ABR: variants seen among roughly 807,000 people sequenced by gnomAD.
The protein encoded by ABR is active breakpoint cluster region-related protein.
In ABR, 35 loss-of-function variants were observed where a neutral mutation model predicts 107.2. That is an observed-to-expected ratio of 0.33 (90% confidence interval 0.25 to 0.43). The LOEUF (loss-of-function observed/expected upper bound fraction) is 0.43. ABR is among the 20% of genes least tolerant of loss of function. ABR has a pLI of 1.00. For missense variants in ABR, 815 were observed against 1,115.2 expected, an observed-to-expected ratio of 0.73 and a Z score of 3.83; for synonymous variants, 498 against 462.0, an observed-to-expected ratio of 1.08 and a Z score of -1.00.
chr17:1,146,994 C>T (rs556318601), intron 1 of ABR, among the ~76,000 whole-genome samples: 8 of 152,366 alleles, frequency 5.3e-5, no homozygotes, highest in Admixed American at 1.3e-4. Flanking sequence ...GTGGTCAACA[C>T]GACCAGTGCC....
At chr17:1,125,533 C>T (rs111492510) in intron 1 of ABR, 166 bp from the exon 2 acceptor site, 211 of 529,888 alleles carry the variant, frequency 4.0e-4, no homozygotes, top group Admixed American at 1.0e-3. Flanking sequence ...TGGTGAGGGG[C>T]GGGGGAGAGC....
At chr17:1,055,971 C>T (rs1250871192) in intron 14 of ABR, 64 bp downstream of exon 14, 6 of 1,495,478 alleles carry the variant, frequency 4.0e-6, no homozygotes, top group African/African-American at 1.4e-5. Context: ...AGGGCCCCAT[C>T]CTGGGCAGAG....
chr17:1,081,955 G>A (rs1425891139), intron 5 of ABR, among the ~76,000 whole-genome samples: 1 of 151,978 alleles, frequency 6.6e-6, no homozygotes, highest in Non-Finnish European at 1.5e-5. Context: ...CATTTTCCAA[G>A]CTGCATTTTT....
At position 1,012,773 on chromosome 17, in the gene ABR, A is replaced by G. The variant is rs1462543067; in HGVS notation, c.1876T>C (p.Phe626Leu). 6.3e-7 allele frequency: 1 copy of G among 1,591,304 alleles called. No individual in the cohort carries two copies. The highest frequency in any genetic ancestry group is 8.6e-7 in the Non-Finnish European group (1 of 1,168,240). ...TTCAGGCTCATATCTCGGCTGGTGA[A>G]TTTCATGGAAAATTCCACTTTGATC... is the stretch of plus-strand genomic sequence containing the variant. ...NGIKVEFSMK[F>L]TSRDMSLKRT... is the part of the protein sequence containing the mutation. Residue 626 changes from phenylalanine to leucine, a missense_variant, in exon 18 of 23, where the codon TTC becomes CTC. Phe to Leu is a conservative substitution (Grantham distance 22). Transcript: ENST00000302538.
At chr17:1,036,613 G>A (rs1448941626) in intron 16 of ABR, among the ~76,000 whole-genome samples, 1 of 152,102 alleles carries the variant, frequency 6.6e-6, no homozygotes, top group East Asian at 1.9e-4. Context: ...GAGACAAGCA[G>A]GCCGAGCATG....
At chr17:1,160,117 C>A (rs1478043704) in intron 1 of ABR, among the ~76,000 whole-genome samples, 1 of 152,080 alleles carries the variant, frequency 6.6e-6, no homozygotes, top group Non-Finnish European at 1.5e-5. Context: ...GAGCAGAGCC[C>A]TGGGGTCTAG....
intron 1 of ABR, among the ~76,000 whole-genome samples, chr17:1,129,280 GTAAT>G (rs1567804199): frequency 2.0e-5 from 3 of 152,212 alleles, no homozygotes; most frequent in Admixed American, 1.3e-4. Context: ...GCTCACGCCT[GTAAT>G]CCCAGCACTG....
Position 1,179,921 on chromosome 17 carries a change from C to T in ABR, c.-194G>A. 4.3e-6 allele frequency: 2 copies of T among 462,204 alleles called. No individual in the cohort carries two copies. Among genetic ancestry groups the T allele is most frequent in the Non-Finnish European group, 7.1e-6 (2 of 281,828 alleles). 28.6% of individuals were successfully genotyped at this position (462,204 alleles called of 1,614,324 possible). On this transcript the variant is annotated 5_prime_UTR_variant, in exon 1 of 23. Coordinates refer to ENST00000302538, the MANE Select transcript of ABR (RefSeq NM_021962.5). The surrounding 1 kb of genome is among the most constrained non-coding windows in gnomAD (Gnocchi z 4.9). ...GGGGCGGGAGCCCCCAAAACCCTCCCGAACCCTCCCGGCCCCAGCGGCCGC... is the reference window on the plus strand; with the variant it reads ...GGGGCGGGAGCCCCCAAAACCCTCCTGAACCCTCCCGGCCCCAGCGGCCGC...
intron 3 of ABR, among the ~76,000 whole-genome samples, chr17:1,098,557 GTTTCACAACCCACTGTACTGA>G (rs963724673): frequency 1.3e-5 from 2 of 152,116 alleles, no homozygotes; most frequent in African/African-American, 4.8e-5. Flanking sequence ...CACTGTACTG[GTTTCACAACCCACTGTACTGA>G]TTTCACAACC....
chr17:1,016,683 C>T (rs988465666), intron 16 of ABR, among the ~76,000 whole-genome samples: 1 of 152,036 alleles, frequency 6.6e-6, no homozygotes, highest in Non-Finnish European at 1.5e-5. Flanking sequence ...CGGGCCAAGC[C>T]CCGACAGCCA....
intron 16 of ABR, among the ~76,000 whole-genome samples, chr17:1,016,317 CTTTTTT>C (rs151002591): frequency 1.5e-5 from 2 of 134,912 alleles, no homozygotes; most frequent in African/African-American, 5.4e-5. Context: ...CCCAACGTTT[CTTTTTT>C]TTTTTTTTTT....
chr17:1,193,886 G>A (rs746438438), intron 1 of ABR, among the ~76,000 whole-genome samples: 4 of 151,860 alleles, frequency 2.6e-5, no homozygotes, highest in Non-Finnish European at 4.4e-5. Flanking sequence ...AATAGAGACG[G>A]GGTTTCACCG....
rs559865119 is a variant in ABR, at chr17:1,128,510, G to A, written c.62-3143C>T. 3.3e-5 allele frequency among the ~76,000 whole-genome samples: 5 copies of A among 152,332 alleles called. No individual in the cohort carries two copies. The East Asian group carries it at 5.8e-4, about 18-fold the overall frequency. ...CTGATGGTGTGAGCCATATGATTAC[G>A]TTCTAGACAACAAGATGTTACAGGG... On this transcript the variant is annotated intron_variant, in intron 1 of 22. Coordinates refer to ENST00000302538, the MANE Select transcript of ABR (RefSeq NM_021962.5).
At chr17:1,055,892 G>T in intron 14 of ABR, 143 bp downstream of exon 14, 1 of 728,186 alleles carries the variant, frequency 1.4e-6, no homozygotes, top group Non-Finnish European at 2.3e-6. Context: ...GGCCAGGGGT[G>T]ACCTCCCTGC....
intron 1 of ABR, chr17:1,185,113 AC>A (rs1386382331): frequency 6.6e-6 from 1 of 152,218 alleles, no homozygotes; most frequent in Non-Finnish European, 1.5e-5. Context: ...TCGGAGCTAC[AC>A]GAGGGAGGCA....
At chr17:1,047,974 C>T (rs1423752917) in intron 16 of ABR, among the ~76,000 whole-genome samples, 1 of 152,234 alleles carries the variant, frequency 6.6e-6, no homozygotes, top group African/African-American at 2.4e-5. Flanking sequence ...TTCTATTCCA[C>T]AGCCACCAGT....
intron 1 of ABR, among the ~76,000 whole-genome samples, chr17:1,143,513 G>A (rs2040400598): frequency 2.5e-5 from 1 of 40,062 alleles, no homozygotes; most frequent in African/African-American, 4.5e-5. Context: ...TCGCTCCTGG[G>A]GGACAGCTCG....
rs2070772015 is a variant in ABR at position 1,013,086 on chromosome 17, A to T, written c.1851+19T>A. 1 of 1,613,482 alleles carries T rather than the reference A, an allele frequency of 6.2e-7. No individual in the cohort carries two copies. Among genetic ancestry groups the T allele is most frequent in the Admixed American group, 1.7e-5 (1 of 59,982 alleles). On this transcript the variant is annotated intron_variant, in intron 17 of 22. Coordinates refer to ENST00000302538, the MANE Select transcript of ABR (RefSeq NM_021962.5). ...CACCTCCCGGCTCACGCCACTGATC[A>T]TTCCCATCCCCGGCTCACCCCGTTC...
At chr17:1,206,189 C>T (rs2042785175) in intron 1 of ABR, among the ~76,000 whole-genome samples, 1 of 152,118 alleles carries the variant, frequency 6.6e-6, no homozygotes, top group South Asian at 2.1e-4. Flanking sequence ...GAGGTTGAGG[C>T]TGCAGTGAGC....
Sources: gnomAD v4.1 joint callset for allele counts (sites outside exome capture counted in the v4.1 genomes callset) on GRCh38, gnomAD v4.1.1 for gene constraint, Gnocchi (gnomAD v3.1) non-coding constraint, MANE v1.5 for transcripts, NCBI Gene and HGNC (gene_info 2026-07-23, HGNC 2026-07-21) for gene names.